The following LRRC47 variants were observed in gnomAD, a reference collection of about 807,000 sequenced individuals.
LRRC47 encodes leucine-rich repeat-containing protein 47.
Under a neutral mutation model 40.9 loss-of-function variants are expected in LRRC47, and 31 were observed. The observed-to-expected ratio is 0.76, with a 90% CI of 0.57 to 1.02. The LOEUF is 1.02. Among genes scored for constraint, LRRC47 ranks in the 50% least tolerant of loss-of-function variants. The probability of loss-of-function intolerance (pLI) is 0.00; values close to 1 mark genes in which losing one functional copy is unlikely to be tolerated. For synonymous variants in LRRC47, 427 were observed against 371.9 expected (o/e 1.15, Z -1.70); for missense variants, 726 against 796.1 (o/e 0.91, Z 1.06).
chr1:3,794,176 C>G (rs1370554974), intron 1 of LRRC47, among the ~76,000 whole-genome samples: 1 of 152,064 alleles, frequency 6.6e-6, no homozygotes, highest in Non-Finnish European at 1.5e-5. Flanking sequence ...GCCTGGGAGA[C>G]AGAGCGAGAC....
chr1:3,794,233 C>CT (rs779544097), intron 1 of LRRC47, among the ~76,000 whole-genome samples: 23 of 152,168 alleles, frequency 1.5e-4, no homozygotes, highest in Non-Finnish European at 3.2e-4. Flanking sequence ...CCAGTCTCCA[C>CT]TTTAGCTGGC....
At chr1:3,783,069 C>A (rs1049347812) in intron 4 of LRRC47, 2 of 294,660 alleles carry the variant, frequency 6.8e-6, no homozygotes, top group Non-Finnish European at 1.3e-5. Context: ...CTATGATTAG[C>A]CACCTCACTC....
Position 3,786,897 on chromosome 1 carries a change from G to GCCTCGCA in LRRC47, c.1022_1028dup (p.Met344AlafsTer27). 6.2e-7 allele frequency: 1 copy of GCCTCGCA among 1,605,908 alleles called. No homozygotes were observed. Among genetic ancestry groups the GCCTCGCA allele is most frequent in the Non-Finnish European group, 8.5e-7 (1 of 1,176,530 alleles). On this transcript the variant is annotated frameshift_variant, in exon 2 of 7. Transcript: ENST00000378251. LOFTEE classifies it high-confidence loss of function. ...GTGCATTCCCTGGCTGCAGGTCCAT[G>GCCTCGCA]CCTCGCACCACGGCCCCCACAATGT... is the stretch of plus-strand genomic sequence containing the variant.
At chr1:3,786,815 T>A (rs776527977) in intron 2 of LRRC47, 34 bp downstream of exon 2, 103 of 1,535,844 alleles carry the variant, frequency 6.7e-5, no homozygotes, top group Non-Finnish European at 8.9e-5. Flanking sequence ...CACACCTCTG[T>A]CCCAGTCATC....
intron 4 of LRRC47, chr1:3,783,004 G>C (rs2799185): frequency 0.34 from 184,973 of 541,918 alleles, 35,860 homozygotes; most frequent in African/African-American, 0.61. Context: ...ACCAGCCCAG[G>C]TCAGAAACAG....
chr1:3,788,143 G>A (rs1643594770), intron 1 of LRRC47, among the ~76,000 whole-genome samples: 1 of 152,272 alleles, frequency 6.6e-6, no homozygotes, highest in Non-Finnish European at 1.5e-5. Context: ...TGTGAGGGCA[G>A]CCACTTCCAT....
At position 3,787,232 on chromosome 1, in the gene LRRC47, A is replaced by T. The variant is rs1441017986; in HGVS notation, c.694T>A (p.Phe232Ile). 2 of 1,613,606 alleles carry T rather than the reference A, an allele frequency of 1.2e-6. No homozygotes were observed. Among genetic ancestry groups the T allele is most frequent in the African/African-American group, 1.3e-5 (1 of 74,948 alleles). The change falls in exon 2 of 7, where the codon TTC (phenylalanine) becomes ATC (isoleucine). Residue 232 changes from phenylalanine to isoleucine, a missense_variant. Coordinates refer to ENST00000378251, the MANE Select transcript of LRRC47 (RefSeq NM_020710.3). ...TTGTCCCTCAGCTTGTTCCCACGGA[A>T]ATTGATCTCCTTGAGCTTGGGGCAG... is the stretch of plus-strand genomic sequence containing the variant. ...ADCPKLKEIN[F>I]RGNKLRDKRL...
chr1:3,782,932 C>CT, intron 4 of LRRC47, 169 bp from the exon 5 acceptor site: 1 of 605,264 alleles, frequency 1.7e-6, no homozygotes, highest in Non-Finnish European at 3.0e-6. Context: ...TACGCTAAGT[C>CT]TGTCATCACT....
intron 1 of LRRC47, among the ~76,000 whole-genome samples, chr1:3,792,970 C>T (rs1469960552): frequency 6.6e-6 from 1 of 152,150 alleles, no homozygotes; most frequent in Admixed American, 6.5e-5. Context: ...TGCCTACAGC[C>T]CTGAGGACCA....
In LRRC47 at chr1:3,787,102, G is replaced by A. The variant is rs141393641; in HGVS notation, c.824C>T (p.Ser275Leu). Residue 275 changes from serine to leucine, a missense_variant, in exon 2 of 7, where the codon TCG becomes TTG. Ser to Leu is a moderately radical substitution (Grantham distance 145). Coordinates refer to ENST00000378251, the MANE Select transcript of LRRC47 (RefSeq NM_020710.3). The stretch of plus-strand genomic sequence containing the variant: ...CTTCCTCCGGCTCTCTTCCTTCTCC[G>A]AGCCCTCGGCACGGCCCTTGCCCTT... ...GGKGKGRAEG[S>L]EKEESRRKRR... is the part of the protein sequence containing the mutation. The A allele has an allele frequency of 3.0e-5, 49 of 1,613,356 alleles. No homozygotes were observed. The highest frequency in any genetic ancestry group is 2.7e-4 in the Admixed American group (16 of 59,978).
At chr1:3,784,208 C>T in intron 3 of LRRC47, 97 bp from the exon 4 acceptor site, 1 of 966,276 alleles carries the variant, frequency 1.0e-6, no homozygotes, top group Non-Finnish European at 1.6e-6. Flanking sequence ...GCCCTCCCGA[C>T]TCCCGCCCTC....
At chr1:3,782,118 G>A (rs1325499661) in intron 5 of LRRC47, among the ~76,000 whole-genome samples, 1 of 152,150 alleles carries the variant, frequency 6.6e-6, no homozygotes, top group African/African-American at 2.4e-5. Context: ...AGAAGCCAGG[G>A]GGCCCTTTGA....
chr1:3,781,867 G>A (rs1643523584), intron 5 of LRRC47, among the ~76,000 whole-genome samples: 1 of 152,188 alleles, frequency 6.6e-6, no homozygotes, highest in Admixed American at 6.5e-5. Flanking sequence ...TGTGGTCCCA[G>A]CTACTCAGGA....
intron 1 of LRRC47, among the ~76,000 whole-genome samples, chr1:3,788,296 C>T (rs1394644505): frequency 2.6e-5 from 4 of 152,234 alleles, no homozygotes; most frequent in Admixed American, 2.0e-4. Flanking sequence ...TCCCAGCTTC[C>T]TCTAGGGCTG....
At chr1:3,791,893 A>G (rs1183148733) in intron 1 of LRRC47, among the ~76,000 whole-genome samples, 15 of 151,748 alleles carry the variant, frequency 9.9e-5, no homozygotes, top group Non-Finnish European at 2.1e-4. Flanking sequence ...AGCTGGGACT[A>G]CAGGTGCACA....
intron 1 of LRRC47, among the ~76,000 whole-genome samples, chr1:3,789,861 G>C (rs1643610799): frequency 6.6e-6 from 1 of 152,256 alleles, no homozygotes; most frequent in Non-Finnish European, 1.5e-5. Context: ...GCCTCAGCAG[G>C]AAATGAAGCC....
intron 5 of LRRC47, among the ~76,000 whole-genome samples, chr1:3,782,202 T>G (rs1177723552): frequency 6.6e-6 from 1 of 152,016 alleles, no homozygotes; most frequent in South Asian, 2.1e-4. Context: ...GTGTTAATTC[T>G]TTTTCTTTCT....
At chr1:3,789,104 A>G (rs1643603905) in intron 1 of LRRC47, among the ~76,000 whole-genome samples, 1 of 152,252 alleles carries the variant, frequency 6.6e-6, no homozygotes. Flanking sequence ...CCTGGAATCC[A>G]GGTGGCCTCA....
chr1:3,787,092 T>C lies in LRRC47; in HGVS notation c.834A>G (p.Glu278=), dbSNP rs1472603619. 11 of 1,613,768 alleles carry C rather than the reference T, an allele frequency of 6.8e-6. No homozygotes were observed. The highest frequency in any genetic ancestry group is 2.7e-5 in the African/African-American group (2 of 74,906). Residue 278 remains glutamate, a synonymous_variant, in exon 2 of 7, where the codon GAA becomes GAG. Coordinates refer to ENST00000378251, the MANE Select transcript of LRRC47 (RefSeq NM_020710.3). ...GKGRAEGSEK[E]ESRRKRRERK... ...TCTCCCTCCTCTTCCTCCGGCTCTC[T>C]TCCTTCTCCGAGCCCTCGGCACGGC...
Sources: allele counts gnomAD v4.1 joint callset (sites outside exome capture counted in the v4.1 genomes callset), GRCh38; gene constraint gnomAD v4.1.1; transcripts MANE v1.5; gene names NCBI Gene and HGNC (gene_info 2026-07-23, HGNC 2026-07-21).